Variants in ATP9B observed in about 807,000 individuals in gnomAD.
The protein encoded by ATP9B is ATPase phospholipid transporting 9B.
Under a neutral mutation model 146.1 loss-of-function variants are expected in ATP9B, and 110 were observed. That is an observed-to-expected ratio of 0.75 (90% CI 0.65 to 0.88). The LOEUF is 0.88. Ranked by LOEUF, ATP9B falls within the 40% of genes least tolerant of loss-of-function variation. The probability of loss-of-function intolerance (pLI) is 0.00; values close to 1 mark genes in which losing one functional copy is unlikely to be tolerated. For missense variants in ATP9B, 1,499 were observed against 1,496.4 expected (o/e 1.00, Z -0.03); for synonymous variants, 604 against 569.7 (o/e 1.06, Z -0.86).
At chr18:79,202,732 T>C (rs1218000680) in intron 9 of ATP9B, among the ~76,000 whole-genome samples, 1 of 152,228 alleles carries the variant, frequency 6.6e-6, no homozygotes, top group Admixed American at 6.5e-5. Flanking sequence ...ATGTTTATAG[T>C]CAATCATCGC....
intron 8 of ATP9B, among the ~76,000 whole-genome samples, chr18:79,177,751 A>G (rs2095196179): frequency 6.6e-6 from 1 of 152,124 alleles, no homozygotes; most frequent in Non-Finnish European, 1.5e-5. Context: ...TGTACCTCAC[A>G]TGGACTTCAT....
intron 25 of ATP9B, among the ~76,000 whole-genome samples, chr18:79,356,834 A>ACCCTGTGTGAGGGG (rs574721560): frequency 0.37 from 18,377 of 49,158 alleles, 6,678 homozygotes; most frequent in Middle Eastern, 0.56. Flanking sequence ...TGTGTGAGGG[A>ACCCTGTGTGAGGGG]TGCTCTGGGT....
At chr18:79,158,136 TA>T (rs1375575687) in intron 7 of ATP9B, among the ~76,000 whole-genome samples, 1 of 152,206 alleles carries the variant, frequency 6.6e-6, no homozygotes, top group East Asian at 1.9e-4. Context: ...CAGGTGTTCA[TA>T]ACTACAAATT....
Position 79,210,549 on chromosome 18 carries a change from A to G in ATP9B, c.1031-3413A>G, listed in dbSNP as rs73971521. On this transcript the variant is annotated intron_variant, in intron 10 of 29. Coordinates refer to ENST00000426216, the MANE Select transcript of ATP9B (RefSeq NM_198531.5). Reference sequence around the variant, plus strand: ...TGGGGGTCTCCTTTGTAGTCTGTGCACCAGTTTTGGTCTAGGTTGTTTACA... The same window carrying G: ...TGGGGGTCTCCTTTGTAGTCTGTGCGCCAGTTTTGGTCTAGGTTGTTTACA... Among the ~76,000 whole-genome samples the G allele has an allele frequency of 7.8e-3, 1,182 of 152,264 alleles. 16 individuals carry two copies. The highest frequency in any genetic ancestry group is 0.019 in the African/African-American group (772 of 41,540).
intron 11 of ATP9B, among the ~76,000 whole-genome samples, chr18:79,253,154 T>TGTGTGCTCTGGCCC (rs2096046668): frequency 6.6e-6 from 1 of 152,256 alleles, no homozygotes; most frequent in Non-Finnish European, 1.5e-5. Context: ...TCACTGCGGC[T>TGTGTGCTCTGGCCC]GTGTGCTCTG....
At chr18:79,352,814 T>C (rs547920667) in intron 25 of ATP9B, 5 of 152,306 alleles carry the variant, frequency 3.3e-5, no homozygotes, top group East Asian at 1.9e-4. Context: ...TCGTGATGCA[T>C]GGAGAATAAA....
At chr18:79,323,713 G>A (rs1028176858) in intron 15 of ATP9B, among the ~76,000 whole-genome samples, 12 of 152,184 alleles carry the variant, frequency 7.9e-5, no homozygotes, top group African/African-American at 2.9e-4. Flanking sequence ...ATCCAGTGGG[G>A]GACACAGGCT....
At position 79,236,603 on chromosome 18, in the gene ATP9B, TAAG is replaced by T. The variant is rs748182844; in HGVS notation, c.1108-16771_1108-16769del. 4.6e-5 allele frequency among the ~76,000 whole-genome samples: 7 copies of T among 152,378 alleles called. No homozygotes were observed. The East Asian group carries it at 1.2e-3, about 25-fold the overall frequency. ...AACATCTAGAATTGGTTTTTGTATATAAGAAGAAGTAGGGACCCAGTTTTCTGT... is the reference window on the plus strand; with the variant it reads ...AACATCTAGAATTGGTTTTTGTATATAAGAAGTAGGGACCCAGTTTTCTGT... On this transcript the variant is annotated intron_variant, in intron 11 of 29. Transcript: ENST00000426216.
chr18:79,235,412 A>G (rs1286169708), intron 11 of ATP9B, among the ~76,000 whole-genome samples: 3 of 152,154 alleles, frequency 2.0e-5, no homozygotes, highest in East Asian at 1.9e-4. Context: ...CATAATAACA[A>G]TTATAATACT....
intron 13 of ATP9B, among the ~76,000 whole-genome samples, chr18:79,297,011 A>G (rs2096554546): frequency 6.6e-6 from 1 of 151,402 alleles, no homozygotes; most frequent in South Asian, 2.1e-4. Context: ...CGACCCAGAG[A>G]GAAGACAGAG....
chr18:79,213,981 C>T lies in ATP9B; in HGVS notation c.1050C>T (p.Val350=), dbSNP rs2095605793. 1.2e-6 allele frequency: 2 copies of T among 1,606,618 alleles called. No homozygotes were observed. The highest frequency in any genetic ancestry group is 8.5e-7 in the Non-Finnish European group (1 of 1,177,538). The change falls in exon 11 of 30, where the codon GTC becomes GTT. Residue 350 remains valine, a synonymous_variant. Coordinates refer to ENST00000426216, the MANE Select transcript of ATP9B (RefSeq NM_198531.5). ...TTGCAGGTACTGTAATAGGTGTTGT[C>T]ATTTATACCGGAAAAGAGACTCGAA... ...IVASGTVIGV[V]IYTGKETRSV...
Position 79,346,132 on chromosome 18 carries a change from C to T in ATP9B, c.2682+293C>T, listed in dbSNP as rs115689307. 6.7e-3 allele frequency among the ~76,000 whole-genome samples: 1,000 copies of T among 150,246 alleles called. 6 individuals are homozygous for T. The highest frequency in any genetic ancestry group is 0.023 in the African/African-American group (928 of 40,740). ...TCATCACACGTCAGCTTGTGCCCAGCGCACAGTCAGCACACACTCAGCACA... is the reference window on the plus strand; with the variant it reads ...TCATCACACGTCAGCTTGTGCCCAGTGCACAGTCAGCACACACTCAGCACA... On this transcript the variant is annotated intron_variant, in intron 23 of 29. Transcript: ENST00000426216.
chr18:79,222,477 T>A (rs7239543), intron 11 of ATP9B, among the ~76,000 whole-genome samples: 58,125 of 152,040 alleles, frequency 0.38, 11,718 homozygotes, highest in Middle Eastern at 0.55. Flanking sequence ...GTAGGCAACA[T>A]CAGCAGCAGA....
chr18:79,117,411 G>A (rs560808429), intron 4 of ATP9B: 3 of 152,254 alleles, frequency 2.0e-5, no homozygotes, highest in Non-Finnish European at 4.4e-5. Context: ...TTCTATATGG[G>A]ATGGTCAAGG....
chr18:79,139,051 G>A, intron 5 of ATP9B, among the ~76,000 whole-genome samples: 1 of 152,182 alleles, frequency 6.6e-6, no homozygotes, highest in East Asian at 1.9e-4. Flanking sequence ...CTGGGTGACA[G>A]AAAATAATTT....
intron 15 of ATP9B, among the ~76,000 whole-genome samples, chr18:79,312,817 A>G (rs2096660189): frequency 1.3e-5 from 2 of 152,242 alleles, no homozygotes; most frequent in Non-Finnish European, 2.9e-5. Flanking sequence ...GTACAATGTG[A>G]AATTACGATA....
chr18:79,323,203 G>A (rs994601520), intron 15 of ATP9B, among the ~76,000 whole-genome samples: 4 of 150,424 alleles, frequency 2.7e-5, no homozygotes, highest in East Asian at 2.0e-4. Flanking sequence ...GTAATCCTCC[G>A]TTTATCGTTG....
At position 79,113,318 on chromosome 18, in the gene ATP9B, GA is replaced by G; in HGVS notation, c.526del (p.Ile176Ter). 6.3e-7 allele frequency: 1 copy of G among 1,597,696 alleles called. No individual in the cohort carries two copies. The highest frequency in any genetic ancestry group is 8.6e-7 in the Non-Finnish European group (1 of 1,166,822). On this transcript the variant is annotated frameshift_variant, in exon 4 of 30. Coordinates refer to ENST00000426216, the MANE Select transcript of ATP9B (RefSeq NM_198531.5). LOFTEE classifies it high-confidence loss of function. Reference sequence around the variant, plus strand: ...CCTGCTCACAGTTTGTACCAGCATTGAAAATAGGCTATCTCTACACCTACTG... The same window carrying G: ...CCTGCTCACAGTTTGTACCAGCATTGAAATAGGCTATCTCTACACCTACTG... Reference protein sequence around the residue: ...ISCSQFVPALKIGYLYTYWAP... With the variant: ...ISCSQFVPALXIGYLYTYWAP...
At chr18:79,147,546 A>G (rs2094611449) in intron 6 of ATP9B, among the ~76,000 whole-genome samples, 1 of 99,504 alleles carries the variant, frequency 1.0e-5, no homozygotes, top group Non-Finnish European at 1.9e-5. Context: ...GGAAAACTCT[A>G]AAACGTGGAA....
Sources: allele counts gnomAD v4.1 joint callset (sites outside exome capture counted in the v4.1 genomes callset), GRCh38; gene constraint gnomAD v4.1.1; transcripts MANE v1.5; gene names NCBI Gene and HGNC (gene_info 2026-07-23, HGNC 2026-07-21).